Variants in KIDINS220 observed in about 807,000 individuals in gnomAD.
KIDINS220 encodes the protein kinase D interacting substrate 220.
A neutral mutation model predicts 157.6 loss-of-function variants in KIDINS220; 63 were observed. The ratio of observed to expected loss-of-function variants is 0.40; its 90% CI spans 0.33 to 0.49. The LOEUF is 0.49. KIDINS220 is among the 20% of genes least tolerant of loss of function. The pLI, the probability that KIDINS220 is intolerant of heterozygous loss-of-function variation, is 0.66. For missense variants in KIDINS220, 1,772 were observed against 2,171.2 expected (o/e 0.82, Z 3.65); for synonymous variants, 732 against 783.6 (o/e 0.93, Z 1.10).
rs1200445016 is a variant in KIDINS220, at chr2:8,732,088, C to A, written c.4054-106G>T. On this transcript the variant is annotated intron_variant, in intron 29 of 29. Coordinates refer to ENST00000256707, the MANE Select transcript of KIDINS220 (RefSeq NM_020738.4). ...GTACACTAACCATTTAAAAAGTCATCAAAACATCAAATTCTTTTAAAAGAA... is the reference window on the plus strand; with the variant it reads ...GTACACTAACCATTTAAAAAGTCATAAAAACATCAAATTCTTTTAAAAGAA... 3.2e-6 allele frequency: 3 copies of A among 940,244 alleles called. No homozygotes were observed. The African/African-American group carries it at 5.0e-5, about 16-fold the overall frequency. 58.2% of individuals were successfully genotyped at this position (940,244 alleles called of 1,614,324 possible).
At chr2:8,768,292 T>C (rs1165703169) in intron 22 of KIDINS220, among the ~76,000 whole-genome samples, 1 of 151,558 alleles carries the variant, frequency 6.6e-6, no homozygotes, top group African/African-American at 2.4e-5. Context: ...AGCTTTCAAC[T>C]CAACACATAA....
At chr2:8,770,477 T>C (rs1037362500) in intron 22 of KIDINS220, among the ~76,000 whole-genome samples, 193 bp downstream of exon 22, 4 of 152,240 alleles carry the variant, frequency 2.6e-5, no homozygotes, top group East Asian at 3.9e-4. Context: ...AATAAAGTCA[T>C]AGATTTTACA....
intron 1 of KIDINS220, among the ~76,000 whole-genome samples, chr2:8,830,817 T>C (rs1679510591): frequency 6.6e-6 from 1 of 152,060 alleles, no homozygotes; most frequent in South Asian, 2.1e-4. Context: ...GCTGGATCTG[T>C]TGCACACCCA....
intron 10 of KIDINS220, among the ~76,000 whole-genome samples, 159 bp from the exon 11 acceptor site, chr2:8,797,028 C>T (rs548825380): frequency 1.3e-4 from 20 of 152,290 alleles, no homozygotes; most frequent in Non-Finnish European, 2.1e-4. Context: ...AATGCTTTTC[C>T]TTTACACCCA....
rs2148436271 is a variant in KIDINS220 at position 8,827,047 on chromosome 2, T to C, written c.47A>G (p.Glu16Gly). The change falls in exon 2 of 30, where the codon GAA becomes GGA. Residue 16 changes from glutamate to glycine, a missense_variant. Physicochemically the swap from Glu to Gly is moderately conservative, Grantham distance 98. Transcript: ENST00000256707. ...SQSVINYVEE[E>G]NIPALKALLE... The stretch of plus-strand genomic sequence containing the variant: ...AAGAGCTTTCAGAGCAGGAATGTTT[T>C]CTTCCTCTACATAATTTATGACGCT... 4.3e-6 allele frequency: 7 copies of C among 1,610,546 alleles called. No homozygotes were observed. Among genetic ancestry groups the C allele is most frequent in the Middle Eastern group, 1.7e-4 (1 of 6,034 alleles).
In KIDINS220 at chr2:8,789,997, C is replaced by T; in HGVS notation, c.1504G>A (p.Val502Met). 6.2e-7 allele frequency: 1 copy of T among 1,613,008 alleles called. No individual in the cohort carries two copies. The highest frequency in any genetic ancestry group is 8.5e-7 in the Non-Finnish European group (1 of 1,179,742). Residue 502 changes from valine (V) to methionine (M), a missense_variant, in exon 14 of 30, where the codon GTG (valine) becomes ATG (methionine). Val to Met is a conservative substitution (Grantham distance 21). Transcript: ENST00000256707. ...CCACAAAGTAGCAGGGTAAGAAACACTATGAGCCATGAGAACTGAAAGAGA... is the reference window on the plus strand; with the variant it reads ...CCACAAAGTAGCAGGGTAAGAAACATTATGAGCCATGAGAACTGAAAGAGA... ...EPLFQFSWLI[V>M]FLTLLLCGGL...
chr2:8,762,737 T>C (rs933427098), intron 22 of KIDINS220, among the ~76,000 whole-genome samples: 1 of 151,756 alleles, frequency 6.6e-6, no homozygotes, highest in Non-Finnish European at 1.5e-5. Flanking sequence ...AGACCCCATC[T>C]CAAAGAAAAA....
At chr2:8,763,442 T>C (rs1419307590) in intron 22 of KIDINS220, among the ~76,000 whole-genome samples, 1 of 152,140 alleles carries the variant, frequency 6.6e-6, no homozygotes, top group African/African-American at 2.4e-5. Flanking sequence ...AGTTTCAGAT[T>C]TGGGGGCATT....
intron 22 of KIDINS220, among the ~76,000 whole-genome samples, chr2:8,759,969 C>T (rs1668541730): frequency 6.6e-6 from 1 of 152,150 alleles, no homozygotes; most frequent in African/African-American, 2.4e-5. Context: ...TGCAACACCA[C>T]CACAGACATA....
chr2:8,833,609 C>G (rs373719978), intron 1 of KIDINS220, among the ~76,000 whole-genome samples: 3 of 151,888 alleles, frequency 2.0e-5, no homozygotes, highest in South Asian at 4.2e-4. Context: ...TACCAAATAC[C>G]CAACACTTAG....
chr2:8,819,670 A>C (rs1030718604), intron 2 of KIDINS220, among the ~76,000 whole-genome samples: 3 of 151,966 alleles, frequency 2.0e-5, no homozygotes, highest in Non-Finnish European at 1.5e-5. Context: ...CTAAAAATAC[A>C]AAAAATTAGC....
Position 8,731,983 on chromosome 2 carries a change from C to A in KIDINS220, c.4054-1G>T. 3 of 1,543,884 alleles carry A rather than the reference C, an allele frequency of 1.9e-6. No homozygotes were observed. The highest frequency in any genetic ancestry group is 1.3e-5 in the South Asian group (1 of 78,432). ...GACTTGGGGTTCTGCGAGTTTGTGA[C>A]TGTGAAGACAGAAAAAAAATAATTT... On this transcript the variant is annotated splice_acceptor_variant, in intron 29 of 29. Transcript: ENST00000256707. LOFTEE classifies it high-confidence loss of function. The surrounding 1 kb of genome is among the most constrained non-coding windows in gnomAD (Gnocchi z 5.2).
At chr2:8,726,954 A>G, downstream of KIDINS220, 1 of 1,283,300 alleles carries the variant, frequency 7.8e-7, no homozygotes, top group Non-Finnish European at 1.0e-6. Flanking sequence ...CTAGGCATGA[A>G]AGGGTTTAAA....
intron 17 of KIDINS220, among the ~76,000 whole-genome samples, chr2:8,785,078 G>C (rs929232189): frequency 1.3e-5 from 2 of 152,122 alleles, no homozygotes; most frequent in Non-Finnish European, 2.9e-5. Flanking sequence ...ATGCTAAAAA[G>C]AAATGAGCTA....
chr2:8,752,372 C>T (rs904342267), intron 22 of KIDINS220, among the ~76,000 whole-genome samples: 1 of 151,506 alleles, frequency 6.6e-6, no homozygotes, highest in Non-Finnish European at 1.5e-5. Flanking sequence ...AGTATGGTTA[C>T]AAAAAAAGGT....
At chr2:8,765,032 G>C (rs182586491) in intron 22 of KIDINS220, among the ~76,000 whole-genome samples, 4 of 152,120 alleles carry the variant, frequency 2.6e-5, no homozygotes, top group Admixed American at 6.5e-5. Flanking sequence ...GGGGGGGCTT[G>C]GTAACAAAAG....
At chr2:8,783,965 CAG>C (rs1672049746) in intron 17 of KIDINS220, among the ~76,000 whole-genome samples, 1 of 152,008 alleles carries the variant, frequency 6.6e-6, no homozygotes, top group Admixed American at 6.6e-5. Context: ...ATAGCCAACA[CAG>C]TATTGAAGGA....
chr2:8,748,794 CAA>C (rs1053939966), intron 24 of KIDINS220, among the ~76,000 whole-genome samples: 5 of 152,166 alleles, frequency 3.3e-5, no homozygotes, highest in African/African-American at 1.2e-4. Flanking sequence ...GATTTAAAAA[CAA>C]GAGAAAACTG....
At chr2:8,809,179 C>T (rs1423049975) in intron 6 of KIDINS220, among the ~76,000 whole-genome samples, 1 of 152,110 alleles carries the variant, frequency 6.6e-6, no homozygotes, top group Non-Finnish European at 1.5e-5. Context: ...CACCACCATG[C>T]CCAGCTAATT....
Sources: allele counts gnomAD v4.1 joint callset (sites outside exome capture counted in the v4.1 genomes callset), GRCh38; gene constraint gnomAD v4.1.1; non-coding constraint Gnocchi (gnomAD v3.1); transcripts MANE v1.5; gene names NCBI Gene and HGNC (gene_info 2026-07-23, HGNC 2026-07-21).